Variants in EPHA3 observed in about 807,000 individuals in gnomAD.
EPHA3 encodes the protein EPH receptor A3, also known as ephrin type-A receptor 3.
In EPHA3, 42 loss-of-function variants were observed where a neutral mutation model predicts 107.1. The observed-to-expected ratio is 0.39, with a 90% CI of 0.31 to 0.51. EPHA3 has a LOEUF of 0.51. Among genes scored for constraint, EPHA3 ranks in the 20% least tolerant of loss-of-function variants. EPHA3 has a pLI of 0.78. For synonymous variants in EPHA3, 461 were observed against 424.8 expected, an observed-to-expected ratio of 1.09 and a Z score of -1.05; for missense variants, 1,183 against 1,211.2, an observed-to-expected ratio of 0.98 and a Z score of 0.35.
intron 15 of EPHA3, among the ~76,000 whole-genome samples, chr3:89,450,913 A>G (rs1709973999): frequency 6.6e-6 from 1 of 152,164 alleles, no homozygotes; most frequent in South Asian, 2.1e-4. Context: ...CTCTAAATAA[A>G]TAAATATACT....
chr3:89,130,474 T>A (rs570844274), intron 2 of EPHA3, among the ~76,000 whole-genome samples: 1 of 152,268 alleles, frequency 6.6e-6, no homozygotes, highest in South Asian at 2.1e-4. Context: ...CTATAAAAAA[T>A]TAACATATTT....
chr3:89,274,902 G>A (rs1439240016), intron 3 of EPHA3, among the ~76,000 whole-genome samples: 1 of 151,962 alleles, frequency 6.6e-6, no homozygotes, highest in African/African-American at 2.4e-5. Flanking sequence ...CTGTCCATAT[G>A]TATCAACAAA....
At chr3:89,444,594 A>T (rs569042607) in intron 13 of EPHA3, among the ~76,000 whole-genome samples, 286 of 152,242 alleles carry the variant, frequency 1.9e-3, no homozygotes, top group African/African-American at 6.7e-3. Flanking sequence ...TAAATTTGTT[A>T]TATTGACAGT....
intron 2 of EPHA3, among the ~76,000 whole-genome samples, chr3:89,197,339 G>T (rs1462266853): frequency 7.3e-5 from 11 of 151,532 alleles, no homozygotes; most frequent in African/African-American, 2.7e-4. Context: ...TTAGAAAGGT[G>T]CTATTATTAT....
chr3:89,430,725 C>T (rs1288003906), intron 12 of EPHA3, among the ~76,000 whole-genome samples: 1 of 152,076 alleles, frequency 6.6e-6, no homozygotes, highest in African/African-American at 2.4e-5. Context: ...GTAGCATCCA[C>T]CTTATTTGAA....
chr3:89,228,172 A>G (rs567043681), intron 3 of EPHA3, among the ~76,000 whole-genome samples: 22 of 152,100 alleles, frequency 1.4e-4, no homozygotes, highest in Admixed American at 1.2e-3. Context: ...CTGTTAAACA[A>G]TAAGAAAAAT....
chr3:89,318,824 A>G lies in EPHA3; in HGVS notation c.815-22092A>G, dbSNP rs949520354. Among the ~76,000 whole-genome samples the G allele has an allele frequency of 6.6e-5, 10 of 151,962 alleles. No individual in the cohort carries two copies. The Admixed American group carries it at 6.6e-4, about 10-fold the overall frequency. ...GTTTTCTTATACTGTCTGTATTTGA[A>G]AATGTGTAATACTTGACACAAATAC... is the stretch of plus-strand genomic sequence containing the variant. On this transcript the variant is annotated intron_variant, in intron 3 of 16. Transcript: ENST00000336596.
intron 3 of EPHA3, among the ~76,000 whole-genome samples, chr3:89,219,688 G>GTGTTGTTTTTTT: frequency 2.9e-5 from 1 of 34,440 alleles, no homozygotes; most frequent in Non-Finnish European, 5.2e-5. Flanking sequence ...ATTTGGCAAT[G>GTGTTGTTTTTTT]TTTTTTTTTT....
intron 3 of EPHA3, among the ~76,000 whole-genome samples, chr3:89,327,770 G>A (rs1172526567): frequency 6.6e-6 from 1 of 151,626 alleles, no homozygotes; most frequent in Non-Finnish European, 1.5e-5. Flanking sequence ...TCTCTGTATT[G>A]CTTTCAGATA....
In EPHA3 at chr3:89,341,957, C is replaced by A; in HGVS notation, c.1173C>A (p.Asn391Lys). The A allele has an allele frequency of 6.2e-7, 1 of 1,613,594 alleles. No individual in the cohort carries two copies. Among genetic ancestry groups the A allele is most frequent in the Non-Finnish European group, 8.5e-7 (1 of 1,179,948 alleles). ...RFLPRQFGLTNTTVTVTDLLA... is the reference protein window; with the variant it reads ...RFLPRQFGLTKTTVTVTDLLA... ...TCCCTCGACAGTTTGGACTCACCAACACCACGGTGACAGTGACAGACCTTC... is the reference window on the plus strand; with the variant it reads ...TCCCTCGACAGTTTGGACTCACCAAAACCACGGTGACAGTGACAGACCTTC... Residue 391 changes from asparagine to lysine, a missense_variant, in exon 5 of 17, where the codon AAC becomes AAA. Transcript: ENST00000336596.
chr3:89,365,539 A>G (rs1402479153), intron 5 of EPHA3, among the ~76,000 whole-genome samples: 1 of 150,776 alleles, frequency 6.6e-6, no homozygotes, highest in South Asian at 2.1e-4. Context: ...CTGTGCAGCA[A>G]GGGCCCTGCC....
intron 3 of EPHA3, among the ~76,000 whole-genome samples, chr3:89,320,683 T>G (rs529573229): frequency 6.6e-6 from 1 of 152,058 alleles, no homozygotes; most frequent in Non-Finnish European, 1.5e-5. Context: ...GGATCTTGAT[T>G]AACAAAAATT....
At chr3:89,123,948 T>C (rs756521091) in intron 1 of EPHA3, among the ~76,000 whole-genome samples, 3 of 152,198 alleles carry the variant, frequency 2.0e-5, no homozygotes, top group Non-Finnish European at 2.9e-5. Flanking sequence ...ACAGCTTTGA[T>C]AAATAACTGG....
chr3:89,167,392 T>C (rs1458876582), intron 2 of EPHA3, among the ~76,000 whole-genome samples: 1 of 151,952 alleles, frequency 6.6e-6, no homozygotes, highest in Non-Finnish European at 1.5e-5. Context: ...AGATAAAGCA[T>C]AACTACAAGA....
chr3:89,471,978 A>C (rs1710411924), intron 15 of EPHA3, among the ~76,000 whole-genome samples: 2 of 151,934 alleles, frequency 1.3e-5, no homozygotes, highest in East Asian at 1.9e-4. Flanking sequence ...TCCTGCTGTG[A>C]GTGTAGCCTA....
At chr3:89,400,887 C>A (rs114387359) in intron 7 of EPHA3, among the ~76,000 whole-genome samples, 1,711 of 152,128 alleles carry the variant, frequency 0.011, 35 homozygotes, top group African/African-American at 0.039. Context: ...GAAAGATGAG[C>A]AAAGATGCAC....
intron 3 of EPHA3, among the ~76,000 whole-genome samples, chr3:89,296,015 T>C (rs1218252562): frequency 6.6e-6 from 1 of 152,208 alleles, no homozygotes; most frequent in Admixed American, 6.5e-5. Context: ...ATCATAAGAT[T>C]GTAGCACTTC....
chr3:89,377,608 T>C (rs1364826925), intron 5 of EPHA3, among the ~76,000 whole-genome samples: 1 of 152,160 alleles, frequency 6.6e-6, no homozygotes, highest in Non-Finnish European at 1.5e-5. Flanking sequence ...TACCAGACTT[T>C]GTAAACTTCA....
At chr3:89,438,287 A>G (rs1382747818) in intron 13 of EPHA3, among the ~76,000 whole-genome samples, 1 of 151,220 alleles carries the variant, frequency 6.6e-6, no homozygotes, top group Non-Finnish European at 1.5e-5. Flanking sequence ...TTTTTTTTGT[A>G]TTTTTAGTAG....
Sources: allele counts gnomAD v4.1 joint callset (sites outside exome capture counted in the v4.1 genomes callset), GRCh38; gene constraint gnomAD v4.1.1; transcripts MANE v1.5; gene names NCBI Gene and HGNC (gene_info 2026-07-23, HGNC 2026-07-21).